The following CRISPLD2 variants were observed in gnomAD, a reference collection of about 807,000 sequenced individuals.
CRISPLD2 encodes cysteine rich secretory protein LCCL domain containing 2.
A neutral mutation model predicts 71.1 loss-of-function variants in CRISPLD2; 47 were observed. The observed-to-expected ratio is 0.66, with a 90% CI of 0.52 to 0.84. The LOEUF is 0.84. CRISPLD2 is among the 40% of genes least tolerant of loss of function. CRISPLD2 has a pLI of 0.00. For synonymous variants in CRISPLD2, 317 were observed against 250.1 expected (o/e 1.27, Z -2.52); for missense variants, 830 against 651.1 (o/e 1.27, Z -2.99).
At chr16:84,887,309 T>C (rs1449022192) in intron 13 of CRISPLD2, among the ~76,000 whole-genome samples, 1 of 152,166 alleles carries the variant, frequency 6.6e-6, no homozygotes, top group Non-Finnish European at 1.5e-5. Flanking sequence ...GGACAGAATA[T>C]GGGGAGTCTG....
chr16:84,884,766 T>TA (rs2071597806), intron 13 of CRISPLD2, among the ~76,000 whole-genome samples: 1 of 152,214 alleles, frequency 6.6e-6, no homozygotes, highest in Non-Finnish European at 1.5e-5. Context: ...AGCTTGATGT[T>TA]ATCACAGAAA....
chr16:84,908,011 C>G lies in CRISPLD2; in HGVS notation c.*1369C>G, dbSNP rs1376363975. The G allele has an allele frequency of 6.6e-6, 1 of 152,300 alleles. No homozygotes were observed. Among genetic ancestry groups the G allele is most frequent in the South Asian group, 2.1e-4 (1 of 4,824 alleles). The allele number at this position is 152,300 out of a possible 1,614,324, so 9.4% of individuals were successfully genotyped here. A position where few individuals can be genotyped will look rare whatever the true frequency, so the allele number is the denominator to read the frequency against. Reference sequence around the variant, plus strand: ...TACCACCGGGCCAGCCAATAGATCACTTTGGTGAATGCTAGTTTCAAATTT... The same window carrying G: ...TACCACCGGGCCAGCCAATAGATCAGTTTGGTGAATGCTAGTTTCAAATTT... On this transcript the variant is annotated 3_prime_UTR_variant, in exon 15 of 15. Coordinates refer to ENST00000262424, the MANE Select transcript of CRISPLD2 (RefSeq NM_031476.4).
chr16:84,860,156 A>G (rs900140381), intron 6 of CRISPLD2, among the ~76,000 whole-genome samples: 1 of 152,172 alleles, frequency 6.6e-6, no homozygotes, highest in Non-Finnish European at 1.5e-5. Context: ...TTTAATCCAT[A>G]TTTCAGCTAA....
At chr16:84,903,268 C>G (rs1218104286) in intron 14 of CRISPLD2, among the ~76,000 whole-genome samples, 2 of 151,968 alleles carry the variant, frequency 1.3e-5, no homozygotes, top group Admixed American at 6.6e-5. Context: ...CCCAGGTACC[C>G]CCAACATCGG....
chr16:84,875,224 G>A (rs142916594), intron 11 of CRISPLD2, among the ~76,000 whole-genome samples: 1 of 151,734 alleles, frequency 6.6e-6, no homozygotes, highest in East Asian at 1.9e-4. Context: ...CTGGGTGACA[G>A]AGCAAGACCC....
intron 1 of CRISPLD2, chr16:84,836,468 C>G (rs1375436809): frequency 2.0e-5 from 3 of 152,194 alleles, no homozygotes; most frequent in South Asian, 2.1e-4. Context: ...CACGCAGCCC[C>G]GGGCTCGGCT....
chr16:84,883,431 G>A (rs901366051), intron 13 of CRISPLD2, among the ~76,000 whole-genome samples: 3 of 152,202 alleles, frequency 2.0e-5, no homozygotes, highest in Admixed American at 6.5e-5. Context: ...GAGCCACGGC[G>A]GTGACATTTG....
At chr16:84,883,474 C>G (rs1050465286) in intron 13 of CRISPLD2, among the ~76,000 whole-genome samples, 5 of 152,228 alleles carry the variant, frequency 3.3e-5, no homozygotes, top group Non-Finnish European at 5.9e-5. Context: ...CCTTTCCCCT[C>G]CTCTGAACCT....
At chr16:84,854,526 G>T (rs370980232) in intron 5 of CRISPLD2, among the ~76,000 whole-genome samples, 2 of 152,084 alleles carry the variant, frequency 1.3e-5, no homozygotes, top group East Asian at 1.9e-4. Flanking sequence ...CTGCAGAATC[G>T]CTGGGATTCT....
In CRISPLD2 at chr16:84,850,674, A is replaced by T; in HGVS notation, c.599A>T (p.Tyr200Phe). ...AACGCGGTCTACTTTGTCTGCAATT[A>T]TTCTCCAAAGTAAGACAAGTTGATG... ...WENAVYFVCN[Y>F]SPKGNWIGEA... Residue 200 changes from tyrosine (Y) to phenylalanine (F), a missense_variant, in exon 5 of 15, where the codon TAT (tyrosine) becomes TTT (phenylalanine). Transcript: ENST00000262424. 1 of 1,613,356 alleles carries T rather than the reference A, an allele frequency of 6.2e-7. No homozygotes were observed. The highest frequency in any genetic ancestry group is 8.5e-7 in the Non-Finnish European group (1 of 1,179,286).
intron 12 of CRISPLD2, among the ~76,000 whole-genome samples, chr16:84,878,844 TTCAAAC>T (rs1485393236): frequency 6.6e-5 from 10 of 152,244 alleles, no homozygotes; most frequent in Non-Finnish European, 1.3e-4. Context: ...TAAGCTGCCC[TTCAAAC>T]AGAGCACGCT....
At chr16:84,880,934 A>T (rs556931443) in intron 13 of CRISPLD2, among the ~76,000 whole-genome samples, 75 of 152,056 alleles carry the variant, frequency 4.9e-4, no homozygotes, top group African/African-American at 1.8e-3. Flanking sequence ...CGAACTCCCA[A>T]CCTCAGATGA....
At chr16:84,884,828 A>T (rs1401878705) in intron 13 of CRISPLD2, among the ~76,000 whole-genome samples, 1 of 152,132 alleles carries the variant, frequency 6.6e-6, no homozygotes, top group African/African-American at 2.4e-5. Context: ...GAGTCAAAGC[A>T]CCGCCTCTGG....
At chr16:84,898,099 T>C (rs2071722331) in intron 14 of CRISPLD2, among the ~76,000 whole-genome samples, 1 of 152,224 alleles carries the variant, frequency 6.6e-6, no homozygotes, top group South Asian at 2.1e-4. Flanking sequence ...CGTTTCCTTT[T>C]TTCTTTCACT....
chr16:84,889,111 G>A, intron 13 of CRISPLD2, 119 bp from the exon 14 acceptor site: 2 of 1,250,696 alleles, frequency 1.6e-6, no homozygotes, highest in Non-Finnish European at 2.3e-6. Flanking sequence ...TTTCCTAAGG[G>A]TTGATGGGGT....
chr16:84,896,419 TACAG>T (rs1567705935), intron 14 of CRISPLD2, among the ~76,000 whole-genome samples: 2 of 152,068 alleles, frequency 1.3e-5, no homozygotes, highest in African/African-American at 4.8e-5. Flanking sequence ...CATACACATA[TACAG>T]ACAGTCTTAG....
chr16:84,840,507 G>C (rs1472938542), intron 2 of CRISPLD2, among the ~76,000 whole-genome samples: 1 of 151,952 alleles, frequency 6.6e-6, no homozygotes, highest in Non-Finnish European at 1.5e-5. Context: ...TATTGTTTCT[G>C]TTTGTTTGTT....
intron 13 of CRISPLD2, among the ~76,000 whole-genome samples, chr16:84,881,399 T>C (rs1409929378): frequency 6.6e-6 from 1 of 152,198 alleles, no homozygotes; most frequent in African/African-American, 2.4e-5. Flanking sequence ...TAGCCCGGTT[T>C]TTCTTAGGTG....
chr16:84,830,708 T>TA (rs34363184), intron 1 of CRISPLD2, among the ~76,000 whole-genome samples: 3,860 of 142,970 alleles, frequency 0.027, 148 homozygotes, highest in African/African-American at 0.085. Flanking sequence ...GACTCTGTCT[T>TA]AAAAAAAAAA....
Sources: allele counts gnomAD v4.1 joint callset (sites outside exome capture counted in the v4.1 genomes callset), GRCh38; gene constraint gnomAD v4.1.1; transcripts MANE v1.5; gene names NCBI Gene and HGNC (gene_info 2026-07-23, HGNC 2026-07-21).